GRM8: variants seen among roughly 807,000 people sequenced by gnomAD.
The protein encoded by GRM8 is glutamate metabotropic receptor 8, also known as metabotropic glutamate receptor 8.
In GRM8, 47 loss-of-function variants were observed where a neutral mutation model predicts 87.2. The observed-to-expected ratio is 0.54, with a 90% CI of 0.43 to 0.69. The LOEUF is 0.69. GRM8 is among the 30% of genes least tolerant of loss of function. The pLI is 0.00. For synonymous variants in GRM8, 396 were observed against 404.5 expected (o/e 0.98, Z 0.25); for missense variants, 1,019 against 1,139.2 (o/e 0.89, Z 1.52).
At chr7:126,552,137 C>T (rs894291510) in intron 8 of GRM8, among the ~76,000 whole-genome samples, 6 of 152,086 alleles carry the variant, frequency 3.9e-5, no homozygotes, top group African/African-American at 1.2e-4. Context: ...TCAAATGCCT[C>T]GTCCGTTAAT....
intron 6 of GRM8, among the ~76,000 whole-genome samples, chr7:126,781,815 A>AGT (rs1820108003): frequency 3.9e-5 from 6 of 152,170 alleles, no homozygotes; most frequent in Non-Finnish European, 8.8e-5. Context: ...TCCTGGGCTC[A>AGT]GGACATCATC....
chr7:126,650,634 A>C (rs574829979), intron 7 of GRM8, among the ~76,000 whole-genome samples: 3 of 152,098 alleles, frequency 2.0e-5, no homozygotes, highest in African/African-American at 7.2e-5. Flanking sequence ...AAAATTGGCA[A>C]CAAAGAAATT....
At chr7:126,573,052 T>A (rs1259183040) in intron 8 of GRM8, among the ~76,000 whole-genome samples, 1 of 152,188 alleles carries the variant, frequency 6.6e-6, no homozygotes. Context: ...AGACTGAATA[T>A]AAGAGAAGAC....
chr7:126,666,593 C>T (rs1805794007), intron 7 of GRM8, among the ~76,000 whole-genome samples: 2 of 152,088 alleles, frequency 1.3e-5, no homozygotes, highest in Admixed American at 1.3e-4. Flanking sequence ...CCCAAAATAA[C>T]ATGTTCCACT....
At chr7:126,772,291 A>C (rs1458123671) in intron 6 of GRM8, among the ~76,000 whole-genome samples, 1 of 152,176 alleles carries the variant, frequency 6.6e-6, no homozygotes, top group Non-Finnish European at 1.5e-5. Context: ...TTCAGAGAGA[A>C]GACTGAATAA....
chr7:127,174,248 G>T (rs1793972668), intron 2 of GRM8, among the ~76,000 whole-genome samples: 1 of 152,176 alleles, frequency 6.6e-6, no homozygotes, highest in African/African-American at 2.4e-5. Flanking sequence ...ATAGTGAAAA[G>T]AAGGGCAAAC....
chr7:126,995,366 G>C (rs1813076339), intron 3 of GRM8, among the ~76,000 whole-genome samples: 1 of 152,122 alleles, frequency 6.6e-6, no homozygotes, highest in Admixed American at 6.6e-5. Flanking sequence ...ACTAAATAAG[G>C]GACCAGGGAC....
chr7:126,605,026 G>C (rs906194124), intron 8 of GRM8, among the ~76,000 whole-genome samples: 1 of 152,050 alleles, frequency 6.6e-6, no homozygotes, highest in African/African-American at 2.4e-5. Flanking sequence ...AAAAACATAT[G>C]TTTCATTCCT....
At chr7:126,943,629 T>A (rs1325736008) in intron 3 of GRM8, among the ~76,000 whole-genome samples, 1 of 152,198 alleles carries the variant, frequency 6.6e-6, no homozygotes, top group African/African-American at 2.4e-5. Flanking sequence ...CAGGAAGGAA[T>A]AGCTCTTGGG....
intron 2 of GRM8, among the ~76,000 whole-genome samples, chr7:127,236,493 G>T (rs952141596): frequency 6.6e-6 from 1 of 152,172 alleles, no homozygotes; most frequent in Non-Finnish European, 1.5e-5. Flanking sequence ...AGGAAGGAGC[G>T]TGCCAAACAA....
intron 2 of GRM8, chr7:127,228,379 G>A (rs1243484642): frequency 6.6e-6 from 1 of 152,228 alleles, no homozygotes; most frequent in Non-Finnish European, 1.5e-5. Context: ...ACAGGGAGCA[G>A]GTGATGTTTA....
intron 7 of GRM8, among the ~76,000 whole-genome samples, chr7:126,769,264 T>C (rs1350566466): frequency 1.3e-5 from 2 of 152,094 alleles, no homozygotes; most frequent in Non-Finnish European, 2.9e-5. Flanking sequence ...GAATCCAGTA[T>C]ATTCTGTATC....
chr7:126,542,273 G>T (rs1816628188), intron 8 of GRM8, among the ~76,000 whole-genome samples: 1 of 152,194 alleles, frequency 6.6e-6, no homozygotes, highest in Non-Finnish European at 1.5e-5. Context: ...ATAGTCAAAA[G>T]ATACCTCATT....
At chr7:126,455,395 A>G (rs1803115725) in intron 9 of GRM8, among the ~76,000 whole-genome samples, 2 of 151,504 alleles carry the variant, frequency 1.3e-5, no homozygotes. Context: ...AGTCCTCTCC[A>G]AATCAGAGAA....
chr7:126,665,043 G>A lies in GRM8; in HGVS notation c.1358-55545C>T, dbSNP rs181161662. On this transcript the variant is annotated intron_variant, in intron 7 of 10. Coordinates refer to ENST00000339582, the MANE Select transcript of GRM8 (RefSeq NM_000845.3). Reference sequence around the variant, plus strand: ...CAACATCATTAATCATCAGATAAATGCAAATCAAAACTACATGAGATACCA... The same window carrying A: ...CAACATCATTAATCATCAGATAAATACAAATCAAAACTACATGAGATACCA... Among the ~76,000 whole-genome samples, 458 of 152,202 alleles carry A rather than the reference G, an allele frequency of 3.0e-3. 1 individual carries two copies. The highest frequency in any genetic ancestry group is 0.01 in the African/African-American group (430 of 41,554).
intron 7 of GRM8, among the ~76,000 whole-genome samples, chr7:126,632,662 GA>G (rs1462197141): frequency 6.6e-6 from 1 of 152,142 alleles, no homozygotes; most frequent in Admixed American, 6.6e-5. Flanking sequence ...ACTGGATAAA[GA>G]AAATGTGGTA....
intron 3 of GRM8, among the ~76,000 whole-genome samples, chr7:126,953,447 C>A (rs1166175728): frequency 6.6e-6 from 1 of 152,132 alleles, no homozygotes; most frequent in Non-Finnish European, 1.5e-5. Context: ...GCAACTCCAA[C>A]AGTGAAATAC....
intron 3 of GRM8, among the ~76,000 whole-genome samples, chr7:126,933,535 G>A (rs1293814750): frequency 6.6e-6 from 1 of 152,148 alleles, no homozygotes; most frequent in Non-Finnish European, 1.5e-5. Flanking sequence ...ACAGCACCTG[G>A]TGTTCTTAGC....
intron 9 of GRM8, among the ~76,000 whole-genome samples, chr7:126,451,597 C>T (rs932166769): frequency 6.6e-6 from 1 of 151,696 alleles, no homozygotes; most frequent in African/African-American, 2.4e-5. Context: ...TCCTACTCTC[C>T]AAAGCCTACT....
Sources: gnomAD v4.1 joint callset for allele counts (sites outside exome capture counted in the v4.1 genomes callset) on GRCh38, gnomAD v4.1.1 for gene constraint, MANE v1.5 for transcripts, NCBI Gene and HGNC (gene_info 2026-07-23, HGNC 2026-07-21) for gene names.